KIF26B: variants seen among roughly 807,000 people sequenced by gnomAD.
KIF26B encodes the protein kinesin family member 26B.
A neutral mutation model predicts 151.2 loss-of-function variants in KIF26B; 63 were observed. The observed-to-expected ratio is 0.42, with a 90% CI of 0.34 to 0.51. The LOEUF is 0.51. Ranked by LOEUF, KIF26B falls within the 20% of genes least tolerant of loss-of-function variation. KIF26B has a pLI of 0.07. For missense variants in KIF26B, 2,813 were observed against 2,913.6 expected (o/e 0.97, Z 0.79); for synonymous variants, 1,357 against 1,262.1 (o/e 1.08, Z -1.59).
chr1:245,555,545 G>T (rs147289469), intron 5 of KIF26B, among the ~76,000 whole-genome samples: 54 of 152,260 alleles, frequency 3.5e-4, no homozygotes, highest in African/African-American at 1.1e-3. Flanking sequence ...GTCAGGAAGC[G>T]GCTGCTCAGA....
At chr1:245,265,457 A>T (rs1670727677) in intron 2 of KIF26B, among the ~76,000 whole-genome samples, 1 of 152,188 alleles carries the variant, frequency 6.6e-6, no homozygotes, top group Admixed American at 6.5e-5. Context: ...GGTTGCAATG[A>T]AGGTCCTCAC....
chr1:245,600,672 C>T (rs1354708034), intron 5 of KIF26B, among the ~76,000 whole-genome samples: 7 of 151,588 alleles, frequency 4.6e-5, no homozygotes, highest in Admixed American at 2.0e-4. Flanking sequence ...CCAATCACAG[C>T]GTTAATGGTA....
In KIF26B at chr1:245,384,313, A is replaced by T. The variant is rs1673488538; in HGVS notation, c.999+16946A>T. 3.9e-5 allele frequency among the ~76,000 whole-genome samples: 6 copies of T among 152,194 alleles called. No homozygotes were observed. In the South Asian group the frequency reaches 1.2e-3, roughly 32 times the overall value. ...AGTACCAAAAATAATAATTATAGCT[A>T]CCACTTGTGTACTTACTATATGCCA... On this transcript the variant is annotated intron_variant, in intron 3 of 14. Transcript: ENST00000407071.
intron 2 of KIF26B, among the ~76,000 whole-genome samples, chr1:245,178,900 G>T (rs1238819149): frequency 1.3e-5 from 2 of 152,112 alleles, no homozygotes; most frequent in African/African-American, 2.4e-5. Context: ...TACTCCTCAG[G>T]CACCTGACGT....
chr1:245,501,274 A>G (rs994418859), intron 4 of KIF26B, among the ~76,000 whole-genome samples: 8 of 152,194 alleles, frequency 5.3e-5, no homozygotes, highest in African/African-American at 1.4e-4. Context: ...TTTGTGTTTC[A>G]ATGTCCTTAT....
chr1:245,297,168 C>T (rs1394054586), intron 2 of KIF26B, among the ~76,000 whole-genome samples: 4 of 152,100 alleles, frequency 2.6e-5, no homozygotes, highest in African/African-American at 9.7e-5. Context: ...CATGGTGAAA[C>T]CCCATCTCTA....
rs542452734 is a variant in KIF26B at position 245,554,199 on chromosome 1, T to C, written c.1350+13249T>C. Among the ~76,000 whole-genome samples the C allele has an allele frequency of 4.6e-5, 7 of 152,344 alleles. No individual in the cohort carries two copies. In the South Asian group the frequency reaches 1.2e-3, roughly 27 times the overall value. On this transcript the variant is annotated intron_variant, in intron 5 of 14. Coordinates refer to ENST00000407071, the MANE Select transcript of KIF26B (RefSeq NM_018012.4). The stretch of plus-strand genomic sequence containing the variant: ...CCACTCTGTTGCTGTCACCGCTTTA[T>C]GGGTCTAGGTTTTCTCCTCCACTGA...
At chr1:245,441,837 T>C (rs1165526032) in intron 4 of KIF26B, among the ~76,000 whole-genome samples, 2 of 152,226 alleles carry the variant, frequency 1.3e-5, no homozygotes, top group Non-Finnish European at 2.9e-5. Context: ...AAGGGCCTTT[T>C]TTCTTGGCGA....
intron 3 of KIF26B, among the ~76,000 whole-genome samples, chr1:245,368,052 G>C (rs1322321545): frequency 6.6e-6 from 1 of 152,152 alleles, no homozygotes. Context: ...AATATACGAA[G>C]GAACAGTGAT....
Position 245,577,497 on chromosome 1 carries a change from G to T in KIF26B, c.1351-25080G>T, listed in dbSNP as rs1408163227. On this transcript the variant is annotated intron_variant, in intron 5 of 14. Coordinates refer to ENST00000407071, the MANE Select transcript of KIF26B (RefSeq NM_018012.4). ...AGAGAAGAGGGTTTAGGAGACAAAA[G>T]AGCCAACAGCATGGAAGAGCTTTGT... 2.0e-5 allele frequency among the ~76,000 whole-genome samples: 3 copies of T among 152,352 alleles called. No homozygotes were observed. The East Asian group carries it at 5.8e-4, about 29-fold the overall frequency.
chr1:245,448,823 CT>C (rs1473532172), intron 4 of KIF26B, among the ~76,000 whole-genome samples: 1 of 152,198 alleles, frequency 6.6e-6, no homozygotes. Context: ...ATTTTAATAA[CT>C]TTGATAACTA....
At chr1:245,441,165 G>T (rs1418324757) in intron 4 of KIF26B, among the ~76,000 whole-genome samples, 1 of 152,058 alleles carries the variant, frequency 6.6e-6, no homozygotes, top group Admixed American at 6.5e-5. Flanking sequence ...CAATCCAGCT[G>T]GTGTCTACCA....
At chr1:245,320,019 G>A (rs918894003) in intron 2 of KIF26B, among the ~76,000 whole-genome samples, 3 of 152,168 alleles carry the variant, frequency 2.0e-5, no homozygotes, top group Non-Finnish European at 4.4e-5. Context: ...GAATGTTGCC[G>A]TTAACAAAGT....
intron 4 of KIF26B, among the ~76,000 whole-genome samples, chr1:245,506,534 G>C (rs771277387): frequency 6.6e-6 from 1 of 152,076 alleles, no homozygotes; most frequent in Non-Finnish European, 1.5e-5. Context: ...GATGGCCTTA[G>C]GTACCATTTT....
At chr1:245,390,948 A>AAAACAAAACAAAACAAAAC (rs1673682447) in intron 3 of KIF26B, among the ~76,000 whole-genome samples, 2 of 127,842 alleles carry the variant, frequency 1.6e-5, no homozygotes, top group African/African-American at 2.9e-5. Context: ...AAAAAAAAAA[A>AAAACAAAACAAAACAAAAC]AAAACCACCA....
chr1:245,494,121 A>G (rs533413765), intron 4 of KIF26B, among the ~76,000 whole-genome samples: 2 of 152,218 alleles, frequency 1.3e-5, no homozygotes, highest in South Asian at 4.1e-4. Context: ...CATCACCAAC[A>G]TGGTGAAACC....
At position 245,241,119 on chromosome 1, in the gene KIF26B, G is replaced by A. The variant is rs1386886155; in HGVS notation, c.465+84436G>A. Among the ~76,000 whole-genome samples the A allele has an allele frequency of 2.0e-5, 3 of 152,124 alleles. No homozygotes were observed. The highest frequency in any genetic ancestry group is 6.5e-5 in the Admixed American group (1 of 15,270). Reference sequence around the variant, plus strand: ...GAATACACCTGTCAGGAAAATCATCGGTAGTGAGCAGTTTCTTCCCGTTAC... The same window carrying A: ...GAATACACCTGTCAGGAAAATCATCAGTAGTGAGCAGTTTCTTCCCGTTAC... On this transcript the variant is annotated intron_variant, in intron 2 of 14. Transcript: ENST00000407071. This position sits in a 1 kb window ranked among gnomAD's most constrained non-coding sequence, Gnocchi z 5.0.
chr1:245,166,045 T>C lies in KIF26B; in HGVS notation c.465+9362T>C, dbSNP rs929118068. On this transcript the variant is annotated intron_variant, in intron 2 of 14. Coordinates refer to ENST00000407071, the MANE Select transcript of KIF26B (RefSeq NM_018012.4). The surrounding 1 kb of genome is among the most constrained non-coding windows in gnomAD (Gnocchi z 4.5). Reference sequence around the variant, plus strand: ...AACAGACTTGCGTGCAAAACCAGGCTCCGTCACTTAGGGTGTGACCTTGGG... The same window carrying C: ...AACAGACTTGCGTGCAAAACCAGGCCCCGTCACTTAGGGTGTGACCTTGGG... Among the ~76,000 whole-genome samples the C allele has an allele frequency of 6.6e-6, 1 of 152,198 alleles. No homozygotes were observed. Among genetic ancestry groups the C allele is most frequent in the Non-Finnish European group, 1.5e-5 (1 of 68,036 alleles).
rs937294818 is a variant in KIF26B, at chr1:245,495,278, T to C, written c.1167-45489T>C. On this transcript the variant is annotated intron_variant, in intron 4 of 14. Coordinates refer to ENST00000407071, the MANE Select transcript of KIF26B (RefSeq NM_018012.4). The surrounding 1 kb of genome is among the most constrained non-coding windows in gnomAD (Gnocchi z 4.2). Reference sequence around the variant, plus strand: ...CATATGGAACACATGTAACATATAATTGAAGGCCTGGAAGAGGGGAAGAGG... The same window carrying C: ...CATATGGAACACATGTAACATATAACTGAAGGCCTGGAAGAGGGGAAGAGG... 6.6e-6 allele frequency among the ~76,000 whole-genome samples: 1 copy of C among 152,128 alleles called. No individual in the cohort carries two copies. The highest frequency in any genetic ancestry group is 1.5e-5 in the Non-Finnish European group (1 of 68,020).
Sources: allele counts gnomAD v4.1 joint callset (sites outside exome capture counted in the v4.1 genomes callset), GRCh38; gene constraint gnomAD v4.1.1; non-coding constraint Gnocchi (gnomAD v3.1); transcripts MANE v1.5; gene names NCBI Gene and HGNC (gene_info 2026-07-23, HGNC 2026-07-21).